The following COL5A1 variants were observed in gnomAD, a reference collection of about 807,000 sequenced individuals.
COL5A1 encodes the protein collagen type V alpha 1 chain, also known as collagen alpha-1(V) chain.
Under a neutral mutation model 263.7 loss-of-function variants are expected in COL5A1, and 16 were observed. That is an observed-to-expected ratio of 0.06 (90% CI 0.04 to 0.09). COL5A1 has a LOEUF of 0.09. Ranked by LOEUF, COL5A1 falls within the 10% of genes least tolerant of loss-of-function variation. The pLI is 1.00. For missense variants in COL5A1, 2,036 were observed against 2,540.5 expected (o/e 0.80, Z 4.27); for synonymous variants, 1,012 against 1,004.5 (o/e 1.01, Z -0.14).
intron 15 of COL5A1, 66 bp downstream of exon 15, chr9:134,753,969 A>T (rs1215888947): frequency 7.2e-7 from 1 of 1,379,842 alleles, no homozygotes. Context: ...AGCGACGGCG[A>T]GCATGGAGGG....
chr9:134,768,381 C>T (rs1836753335), intron 24 of COL5A1, 29 bp from the exon 25 acceptor site: 1 of 1,608,648 alleles, frequency 6.2e-7, no homozygotes, highest in Non-Finnish European at 8.5e-7. Context: ...GGGAGGGCAT[C>T]TCCTCATGGA....
In COL5A1 at chr9:134,647,270, A is replaced by G. The variant is rs1041884183; in HGVS notation, c.109+4974A>G. ...GTTCTTTGCTTTCCCACGGAACCTC[A>G]TGGGGTCATTGTCCAGGCCGTGGGG... On this transcript the variant is annotated intron_variant, in intron 1 of 65. Coordinates refer to ENST00000371817, the MANE Select transcript of COL5A1 (RefSeq NM_000093.5). The surrounding 1 kb of genome is among the most constrained non-coding windows in gnomAD (Gnocchi z 5.0). 6.6e-6 allele frequency among the ~76,000 whole-genome samples: 1 copy of G among 151,998 alleles called. No individual in the cohort carries two copies. Among genetic ancestry groups the G allele is most frequent in the Non-Finnish European group, 1.5e-5 (1 of 67,978 alleles).
At chr9:134,649,349 T>C (rs1208686077) in intron 1 of COL5A1, 2 of 382,722 alleles carry the variant, frequency 5.2e-6, no homozygotes, top group African/African-American at 4.3e-5. Flanking sequence ...CATCCTTTGA[T>C]GACTCAGACC....
chr9:134,644,210 G>A (rs1213103411), intron 1 of COL5A1, among the ~76,000 whole-genome samples: 5 of 135,898 alleles, frequency 3.7e-5, no homozygotes, highest in African/African-American at 8.4e-5. Flanking sequence ...TGGGGGGAGG[G>A]GGCGGCTGTC....
rs1270417087 is a variant in COL5A1 at position 134,677,314 on chromosome 9, T to G, written c.110-13598T>G. On this transcript the variant is annotated intron_variant, in intron 1 of 65. Transcript: ENST00000371817. This position sits in a 1 kb window ranked among gnomAD's most constrained non-coding sequence, Gnocchi z 4.4. Reference sequence around the variant, plus strand: ...GCAGGCCCTGGTATTACACCTCCTTTCCTGCAGGGGAAAAGGCTCAGGGTG... The same window carrying G: ...GCAGGCCCTGGTATTACACCTCCTTGCCTGCAGGGGAAAAGGCTCAGGGTG... Among the ~76,000 whole-genome samples the G allele has an allele frequency of 6.6e-6, 1 of 152,124 alleles. No homozygotes were observed. Among genetic ancestry groups the G allele is most frequent in the Non-Finnish European group, 1.5e-5 (1 of 68,016 alleles).
At position 134,756,825 on chromosome 9, in the gene COL5A1, C is replaced by T. The variant is rs766450225; in HGVS notation, c.1881+7C>T. The T allele has an allele frequency of 1.2e-5, 19 of 1,613,584 alleles. No homozygotes were observed. In the East Asian group the frequency reaches 3.3e-4, roughly 28 times the overall value. ...TGGACAAACTGGCCCCAAGGTAGGT[C>T]ACCCACCACCCTCCTGGTGCCCTGG... is the stretch of plus-strand genomic sequence containing the variant. On this transcript the variant is annotated splice_region_variant and intron_variant, in intron 17 of 65. Transcript: ENST00000371817.
intron 4 of COL5A1, among the ~76,000 whole-genome samples, chr9:134,707,839 G>C (rs1833889898): frequency 6.6e-6 from 1 of 152,230 alleles, no homozygotes; most frequent in Non-Finnish European, 1.5e-5. Context: ...TGGGCAGCCG[G>C]GGAAGCCCCA....
At chr9:134,743,871 A>C (rs1835378190) in intron 11 of COL5A1, among the ~76,000 whole-genome samples, 1 of 152,142 alleles carries the variant, frequency 6.6e-6, no homozygotes, top group African/African-American at 2.4e-5. Flanking sequence ...ATGCCCTGAA[A>C]AACAGCAGTC....
chr9:134,785,643 T>G (rs4072077), intron 30 of COL5A1, among the ~76,000 whole-genome samples: 12,553 of 152,280 alleles, frequency 0.082, 786 homozygotes, highest in African/African-American at 0.17. Flanking sequence ...TCCTGCCCTA[T>G]CCTGCTACGT....
chr9:134,714,621 AGGT>A (rs1171389704), intron 4 of COL5A1, among the ~76,000 whole-genome samples: 1 of 112,342 alleles, frequency 8.9e-6, no homozygotes, highest in Non-Finnish European at 1.9e-5. Flanking sequence ...ATGCTGATGA[AGGT>A]GGTGGTGGAG....
chr9:134,790,099 G>C (rs1837614664), intron 32 of COL5A1, among the ~76,000 whole-genome samples: 1 of 152,164 alleles, frequency 6.6e-6, no homozygotes, highest in South Asian at 2.1e-4. Context: ...GCCCCATCCT[G>C]CTGTCCCAGG....
chr9:134,720,548 T>C (rs13291418), intron 4 of COL5A1, among the ~76,000 whole-genome samples: 62,734 of 152,098 alleles, frequency 0.41, 15,349 homozygotes, highest in African/African-American at 0.69. Context: ...GGGCTGGGCA[T>C]GTCCTCTCCA....
intron 18 of COL5A1, among the ~76,000 whole-genome samples, chr9:134,760,280 C>CAT: frequency 8.0e-6 from 1 of 125,782 alleles, no homozygotes. Flanking sequence ...CACATGCACA[C>CAT]ACGCACACAC....
At chr9:134,654,376 G>A (rs1831831592) in intron 1 of COL5A1, among the ~76,000 whole-genome samples, 1 of 133,168 alleles carries the variant, frequency 7.5e-6, no homozygotes, top group Non-Finnish European at 1.6e-5. Context: ...TAGGGCTGGG[G>A]TGTATAGTGC....
intron 1 of COL5A1, among the ~76,000 whole-genome samples, chr9:134,658,745 G>A (rs1564370946): frequency 6.6e-6 from 1 of 152,186 alleles, no homozygotes. Context: ...GTGGTTGTGC[G>A]GAGAGCAGCT....
Position 134,786,287 on chromosome 9 carries a change from G to T in COL5A1, c.2646+239G>T, listed in dbSNP as rs11103526. Among the ~76,000 whole-genome samples the T allele has an allele frequency of 3.3e-3, 506 of 152,310 alleles. 2 individuals carry two copies. Among genetic ancestry groups the T allele is most frequent in the Non-Finnish European group, 5.3e-3 (363 of 68,022 alleles). On this transcript the variant is annotated intron_variant, in intron 31 of 65. Coordinates refer to ENST00000371817, the MANE Select transcript of COL5A1 (RefSeq NM_000093.5). The stretch of plus-strand genomic sequence containing the variant: ...CAGGTGGAGGGATGCTCCACCGGCC[G>T]TCTCCACCCTGCACAGGTTCATCCA...
At chr9:134,816,212 G>A (rs1838738363) in intron 52 of COL5A1, among the ~76,000 whole-genome samples, 1 of 152,202 alleles carries the variant, frequency 6.6e-6, no homozygotes, top group Admixed American at 6.5e-5. Context: ...AGATGCACGT[G>A]CTGTCTCAGC....
At chr9:134,782,868 G>A (rs1837313909) in intron 29 of COL5A1, 148 bp downstream of exon 29, 1 of 811,816 alleles carries the variant, frequency 1.2e-6, no homozygotes, top group Admixed American at 2.0e-5. Flanking sequence ...AGGGGACAGT[G>A]GCGTGGAGCC....
At chr9:134,797,331 G>A (rs1837949194) in intron 36 of COL5A1, among the ~76,000 whole-genome samples, 1 of 152,218 alleles carries the variant, frequency 6.6e-6, no homozygotes, top group Non-Finnish European at 1.5e-5. Context: ...GGCACCTTCT[G>A]GAAGCTCTAG....
Sources: allele counts gnomAD v4.1 joint callset (sites outside exome capture counted in the v4.1 genomes callset), GRCh38; gene constraint gnomAD v4.1.1; non-coding constraint Gnocchi (gnomAD v3.1); transcripts MANE v1.5; gene names NCBI Gene and HGNC (gene_info 2026-07-23, HGNC 2026-07-21).